The following GARNL3 variants were observed in gnomAD, a reference collection of about 807,000 sequenced individuals.
The protein encoded by GARNL3 is GTPase activating Rap/RanGAP domain like 3, also known as GTPase-activating Rap/Ran-GAP domain-like protein 3.
In GARNL3, 63 loss-of-function variants were observed where a neutral mutation model predicts 125.0. That is an observed-to-expected ratio of 0.50 (90% confidence interval 0.41 to 0.62). The LOEUF (loss-of-function observed/expected upper bound fraction) is 0.62, where lower values mean the gene tolerates loss of function less well. Ranked by LOEUF, GARNL3 falls within the 20% of genes least tolerant of loss-of-function variation. GARNL3 has a pLI of 0.00. For missense variants in GARNL3, 994 were observed against 1,244.0 expected (o/e 0.80, Z 3.02); for synonymous variants, 439 against 457.5 (o/e 0.96, Z 0.52).
chr9:127,296,697 C>G (rs1186009330), intron 2 of GARNL3, among the ~76,000 whole-genome samples: 1 of 152,000 alleles, frequency 6.6e-6, no homozygotes, highest in Non-Finnish European at 1.5e-5. Context: ...TCTCGAACTC[C>G]TGACCTCAGG....
intron 21 of GARNL3, among the ~76,000 whole-genome samples, chr9:127,359,594 T>C (rs573889640): frequency 1.3e-5 from 2 of 152,326 alleles, no homozygotes; most frequent in East Asian, 3.9e-4. Flanking sequence ...CAATCAGTCC[T>C]TTTCCTGGCA....
At chr9:127,353,045 C>A (rs892328549) in intron 17 of GARNL3, among the ~76,000 whole-genome samples, 1 of 152,104 alleles carries the variant, frequency 6.6e-6, no homozygotes, top group Non-Finnish European at 1.5e-5. Flanking sequence ...ATTATTTTAG[C>A]CCCCTGTGTC....
intron 22 of GARNL3, among the ~76,000 whole-genome samples, chr9:127,377,238 TAAACTC>T (rs1434189671): frequency 1.3e-5 from 2 of 152,300 alleles, no homozygotes; most frequent in African/African-American, 2.4e-5. Flanking sequence ...AGTCCAGAAA[TAAACTC>T]AAGTATATAT....
Position 127,364,272 on chromosome 9 carries a change from C to G in GARNL3, c.2095-1028C>G, listed in dbSNP as rs1403407794. The G allele has an allele frequency of 1.3e-5, 2 of 152,262 alleles. No homozygotes were observed. The highest frequency in any genetic ancestry group is 4.8e-5 in the African/African-American group (2 of 41,410). 9.4% of individuals were successfully genotyped at this position (152,262 alleles called of 1,614,324 possible). ...TTGGAGCTATAGAAGTGGGGTTTTA[C>G]TAAGGAGAGAAGAGCCAAGAAATTG... On this transcript the variant is annotated intron_variant, in intron 21 of 27. Coordinates refer to ENST00000373387, the MANE Select transcript of GARNL3 (RefSeq NM_032293.5). This position sits in a 1 kb window ranked among gnomAD's most constrained non-coding sequence, Gnocchi z 4.2.
intron 2 of GARNL3, among the ~76,000 whole-genome samples, chr9:127,295,501 A>T (rs1032843374): frequency 6.6e-6 from 1 of 152,104 alleles, no homozygotes; most frequent in African/African-American, 2.4e-5. Flanking sequence ...CTACAATTCA[A>T]TTCTCACACC....
intron 1 of GARNL3, among the ~76,000 whole-genome samples, chr9:127,274,567 G>A (rs1185633874): frequency 3.3e-5 from 5 of 152,072 alleles, no homozygotes; most frequent in East Asian, 1.9e-4. Context: ...CTCCTCCTCA[G>A]GGCAAGCCTC....
chr9:127,337,889 C>G (rs1354402787), intron 11 of GARNL3, among the ~76,000 whole-genome samples: 1 of 152,104 alleles, frequency 6.6e-6, no homozygotes, highest in African/African-American at 2.4e-5. Context: ...AACCTTTTCC[C>G]CAAAGGATGC....
At position 127,245,002 on chromosome 9, in the gene GARNL3, G is replaced by T. The variant is rs529879023; in HGVS notation, c.143+1753G>T. Among the ~76,000 whole-genome samples, 106 of 151,884 alleles carry T rather than the reference G, an allele frequency of 7.0e-4. 1 individual carries two copies. The highest frequency in any genetic ancestry group is 6.1e-3 in the Admixed American group (93 of 15,286). On this transcript the variant is annotated intron_variant, in intron 2 of 10. Transcript: ENST00000439286. The stretch of plus-strand genomic sequence containing the variant: ...CCCAGCGCACTGCAGAGGACGGGAG[G>T]GAACCCAGGGCGTCAGTTCCAAAGG...
upstream of GARNL3, chr9:127,264,719 A>G (rs769458189): frequency 1.4e-5 from 18 of 1,246,826 alleles, no homozygotes; most frequent in Admixed American, 8.3e-5. Flanking sequence ...ATCATTGCCT[A>G]TACTTCCAGG....
At chr9:127,262,970 G>T (rs1391966786), upstream of GARNL3, among the ~76,000 whole-genome samples, 1 of 152,192 alleles carries the variant, frequency 6.6e-6, no homozygotes, top group Non-Finnish European at 1.5e-5. Flanking sequence ...TGGTTTGAAT[G>T]CCTCCTACAA....
rs55906930 is a variant in GARNL3, at chr9:127,380,200, ATGTG to A, written c.2162-3202_2162-3199del. Among the ~76,000 whole-genome samples, 266 of 141,740 alleles carry A rather than the reference ATGTG, an allele frequency of 1.9e-3. 2 individuals are homozygous for A. Among genetic ancestry groups the A allele is most frequent in the African/African-American group, 5.2e-3 (199 of 38,056 alleles). 93.0% of individuals were successfully genotyped at this position (141,740 alleles called of 152,430 possible). A position where few individuals can be genotyped will look rare whatever the true frequency, so the allele number is the denominator to read the frequency against. On this transcript the variant is annotated intron_variant, in intron 22 of 27. Coordinates refer to ENST00000373387, the MANE Select transcript of GARNL3 (RefSeq NM_032293.5). The stretch of plus-strand genomic sequence containing the variant: ...AGAGCAAGACTCTGTCTCAAAAAAT[ATGTG>A]TGTGTGTGTGTGTGTGTGTGTGTGT...
At chr9:127,376,409 G>C (rs999288233) in intron 22 of GARNL3, among the ~76,000 whole-genome samples, 1 of 151,594 alleles carries the variant, frequency 6.6e-6, no homozygotes. Flanking sequence ...TAGTGGAGAC[G>C]GGGTTTCACC....
rs544087290 is a variant in GARNL3 at position 127,227,627 on chromosome 9, C to A, written c.-29+3289C>A. Among the ~76,000 whole-genome samples, 11 of 149,746 alleles carry A rather than the reference C, an allele frequency of 7.3e-5. No homozygotes were observed. The East Asian group carries it at 1.4e-3, about 19-fold the overall frequency. The stretch of plus-strand genomic sequence containing the variant: ...AAAAAAACAAAAAACAAAAAAAAAA[C>A]CTAATTTGTGGCTGGGCATCGCGGC... On this transcript the variant is annotated intron_variant, in intron 1 of 10. Coordinates refer to the GARNL3 transcript ENST00000439286.
intron 1 of GARNL3, among the ~76,000 whole-genome samples, chr9:127,290,579 C>G (rs2064384631): frequency 6.6e-6 from 1 of 152,190 alleles, no homozygotes; most frequent in African/African-American, 2.4e-5. Flanking sequence ...ACTCAAGTGC[C>G]AAGCCCTGGT....
intron 1 of GARNL3, among the ~76,000 whole-genome samples, chr9:127,290,355 G>A (rs1405635766): frequency 1.3e-5 from 2 of 152,128 alleles, no homozygotes; most frequent in African/African-American, 4.8e-5. Context: ...CATCTTTCCT[G>A]AGAAATCACA....
At chr9:127,279,192 A>AT (rs932375155) in intron 1 of GARNL3, among the ~76,000 whole-genome samples, 25 of 146,970 alleles carry the variant, frequency 1.7e-4, no homozygotes, top group African/African-American at 2.5e-4. Context: ...TTTTTCTTAC[A>AT]TTTTTTTTTT....
At chr9:127,341,647 A>G (rs1032309890) in intron 13 of GARNL3, among the ~76,000 whole-genome samples, 4 of 152,200 alleles carry the variant, frequency 2.6e-5, no homozygotes, top group African/African-American at 7.2e-5. Flanking sequence ...GCCTGTGGCA[A>G]GGAAGGGGCC....
At chr9:127,391,297 T>C (rs1482633837) in intron 27 of GARNL3, among the ~76,000 whole-genome samples, 1 of 143,222 alleles carries the variant, frequency 7.0e-6, no homozygotes, top group Non-Finnish European at 1.5e-5. Flanking sequence ...AAAATATATA[T>C]ATAATATATA....
At chr9:127,289,502 A>G (rs1427594798) in intron 1 of GARNL3, among the ~76,000 whole-genome samples, 3 of 152,240 alleles carry the variant, frequency 2.0e-5, no homozygotes, top group Non-Finnish European at 4.4e-5. Flanking sequence ...ATGTGTGACA[A>G]CATCAGCACC....
Sources: gnomAD v4.1 joint callset for allele counts (sites outside exome capture counted in the v4.1 genomes callset) on GRCh38, gnomAD v4.1.1 for gene constraint, Gnocchi (gnomAD v3.1) non-coding constraint, MANE v1.5 for transcripts, NCBI Gene and HGNC (gene_info 2026-07-23, HGNC 2026-07-21) for gene names.